RUNDC3A: variants seen among roughly 807,000 people sequenced by gnomAD.
The protein encoded by RUNDC3A is RUN domain-containing protein 3A.
A neutral mutation model predicts 53.9 loss-of-function variants in RUNDC3A; 28 were observed. The ratio of observed to expected loss-of-function variants is 0.52; its 90% CI spans 0.38 to 0.71. RUNDC3A has a LOEUF of 0.71. Ranked by LOEUF, RUNDC3A falls within the 30% of genes least tolerant of loss-of-function variation. The probability of loss-of-function intolerance (pLI) is 0.00; values close to 1 mark genes in which losing one functional copy is unlikely to be tolerated. For missense variants in RUNDC3A, 491 were observed against 597.3 expected (o/e 0.82, Z 1.85); for synonymous variants, 232 against 249.4 (o/e 0.93, Z 0.66).
rs1345592411 is a variant in RUNDC3A at position 44,313,021 on chromosome 17, T to A, written c.224-83T>A. The A allele has an allele frequency of 1.2e-5, 18 of 1,467,330 alleles. No individual in the cohort carries two copies. The East Asian group carries it at 4.1e-4, about 34-fold the overall frequency. 90.9% of individuals were successfully genotyped at this position (1,467,330 alleles called of 1,614,324 possible). On this transcript the variant is annotated intron_variant, in intron 2 of 10. Transcript: ENST00000426726. ...GATCTTTGTGGGAGGAGGCTGCTTATGCTTATGCATGTGAGTGCCTCACTA... is the reference window on the plus strand; with the variant it reads ...GATCTTTGTGGGAGGAGGCTGCTTAAGCTTATGCATGTGAGTGCCTCACTA...
chr17:44,315,006 AG>A lies in RUNDC3A; in HGVS notation c.627del (p.Ser210AlafsTer5). 6.2e-7 allele frequency: 1 copy of A among 1,613,836 alleles called. No individual in the cohort carries two copies. Among genetic ancestry groups the A allele is most frequent in the Non-Finnish European group, 8.5e-7 (1 of 1,179,844 alleles). On this transcript the variant is annotated frameshift_variant and splice_region_variant, in exon 6 of 11. Coordinates refer to ENST00000426726, the MANE Select transcript of RUNDC3A (RefSeq NM_001144825.2). LOFTEE classifies it high-confidence loss of function. This position sits in a 1 kb window ranked among gnomAD's most constrained non-coding sequence, Gnocchi z 6.1. ...TACACGCCCTACCTAAAGTTCACGC[AG>A]AGGTGAGCGGCTCCATGACTGCGGC... is the stretch of plus-strand genomic sequence containing the variant. ...IDYTPYLKFTQSYDYLTDEEE... is the reference protein window; with the variant it reads ...IDYTPYLKFTXSYDYLTDEEE...
Position 44,315,320 on chromosome 17 carries a change from G to A in RUNDC3A, c.795G>A (p.Lys265=). The change falls in exon 7 of 11, where the codon AAG becomes AAA. Residue 265 remains lysine (K), a splice_region_variant and synonymous_variant. Coordinates refer to ENST00000426726, the MANE Select transcript of RUNDC3A (RefSeq NM_001144825.2). The surrounding 1 kb of genome is among the most constrained non-coding windows in gnomAD (Gnocchi z 6.1). ...AGTTCCGCATCGTCTACGCGCAGAA[G>A]GTGCGCGACGCCGGCGGGCCCGGGG... ...EQKFRIVYAQ[K]GYLEELVRLR... 2 of 1,419,284 alleles carry A rather than the reference G, an allele frequency of 1.4e-6. No homozygotes were observed. Among genetic ancestry groups the A allele is most frequent in the Non-Finnish European group, 9.3e-7 (1 of 1,077,518 alleles). 87.9% of individuals were successfully genotyped at this position (1,419,284 alleles called of 1,614,324 possible). A position where few individuals can be genotyped will look rare whatever the true frequency, so the allele number is the denominator to read the frequency against.
At chr17:44,317,199 TG>T (rs1166029163) in intron 10 of RUNDC3A, 3 of 551,864 alleles carry the variant, frequency 5.4e-6, no homozygotes, top group Non-Finnish European at 9.8e-6. Flanking sequence ...TACTTTGAGG[TG>T]GCAGAACACA....
chr17:44,314,697 G>T, intron 4 of RUNDC3A, 38 bp from the exon 5 acceptor site: 1 of 1,545,054 alleles, frequency 6.5e-7, no homozygotes. Flanking sequence ...GGCGCTCCAG[G>T]GGCCTGCTGC....
Position 44,315,666 on chromosome 17 carries a change from G to A in RUNDC3A, c.953+57G>A, listed in dbSNP as rs2047848438. On this transcript the variant is annotated intron_variant, in intron 8 of 10. Transcript: ENST00000426726. This position sits in a 1 kb window ranked among gnomAD's most constrained non-coding sequence, Gnocchi z 6.1. Reference sequence around the variant, plus strand: ...CCCGCCGCCCCGACCACATCACCGGGTGAACCCCATCTTCACTTCCATCGA... The same window carrying A: ...CCCGCCGCCCCGACCACATCACCGGATGAACCCCATCTTCACTTCCATCGA... 2.3e-6 allele frequency: 3 copies of A among 1,330,104 alleles called. No individual in the cohort carries two copies. The highest frequency in any genetic ancestry group is 1.5e-5 in the African/African-American group (1 of 64,832). The allele number at this position is 1,330,104 out of a possible 1,614,324, so 82.4% of individuals were successfully genotyped here.
rs377485717 is a variant in RUNDC3A at position 44,316,467 on chromosome 17, T to C, written c.1036T>C (p.Ser346Pro). 6.2e-6 allele frequency: 10 copies of C among 1,613,458 alleles called. No individual in the cohort carries two copies. In the African/African-American group the frequency reaches 1.3e-4, roughly 22 times the overall value. The change falls in exon 9 of 11, where the codon TCA becomes CCA. Residue 346 changes from serine (S) to proline (P), a missense_variant. By Grantham distance (74) the Ser-to-Pro change is moderately conservative. Around this residue, in one of 2 missense-constraint regions of RUNDC3A, gnomAD observed 218 missense variants for 208.2 expected, o/e 1.05. Transcript: ENST00000426726. Reference sequence around the variant, plus strand: ...TACACCCCTGGTCAATCAATGGCCCTCACTGGGAACGCTTAATGGGGCCGA... The same window carrying C: ...TACACCCCTGGTCAATCAATGGCCCCCACTGGGAACGCTTAATGGGGCCGA... ...LTTPLVNQWP[S>P]LGTLNGAEGA...
At chr17:44,313,818 A>T in intron 4 of RUNDC3A, 1 of 777,588 alleles carries the variant, frequency 1.3e-6, no homozygotes, top group African/African-American at 1.9e-5. Flanking sequence ...AGTAGCTGGG[A>T]TTACAGGCAT....
intron 10 of RUNDC3A, chr17:44,317,369 A>C: frequency 1.3e-6 from 1 of 746,412 alleles, no homozygotes; most frequent in Non-Finnish European, 2.5e-6. Flanking sequence ...TAGTGTCATG[A>C]CATCCTCGGG....
chr17:44,314,573 C>T (rs563696158), intron 4 of RUNDC3A, 162 bp from the exon 5 acceptor site: 1 of 1,443,368 alleles, frequency 6.9e-7, no homozygotes, highest in East Asian at 2.5e-5. Flanking sequence ...GTGCGAGCCC[C>T]AGGCTGAAGG....
At chr17:44,312,242 C>T (rs1451150791) in intron 1 of RUNDC3A, among the ~76,000 whole-genome samples, 2 of 152,172 alleles carry the variant, frequency 1.3e-5, no homozygotes, top group South Asian at 4.1e-4. Flanking sequence ...GGCTCCTGGA[C>T]CGCCCCCGGC....
chr17:44,314,041 A>G, intron 4 of RUNDC3A: 4 of 992,252 alleles, frequency 4.0e-6, no homozygotes, highest in Non-Finnish European at 3.6e-6. Flanking sequence ...TTTGCCATCA[A>G]TGCCCAGCAC....
chr17:44,315,162 T>C lies in RUNDC3A; in HGVS notation c.637T>C (p.Tyr213His). The change falls in exon 7 of 11, where the codon TAC becomes CAC. Residue 213 changes from tyrosine (Y) to histidine (H), a missense_variant. Physicochemically the swap from Tyr to His is moderately conservative, Grantham distance 83. Coordinates refer to ENST00000426726, the MANE Select transcript of RUNDC3A (RefSeq NM_001144825.2). The surrounding 1 kb of genome is among the most constrained non-coding windows in gnomAD (Gnocchi z 6.1). ...ACTGCTCCCTCTCCCAAGCTACGAC[T>C]ACCTGACGGACGAGGAGGAGCGGCA... ...PYLKFTQSYD[Y>H]LTDEEERHSA... 1 of 1,573,458 alleles carries C rather than the reference T, an allele frequency of 6.4e-7. No homozygotes were observed. Among genetic ancestry groups the C allele is most frequent in the Non-Finnish European group, 8.6e-7 (1 of 1,159,222 alleles).
chr17:44,317,558 C>G, intron 10 of RUNDC3A: 1 of 780,792 alleles, frequency 1.3e-6, no homozygotes, highest in Non-Finnish European at 2.4e-6. Context: ...TTGTGTTGAC[C>G]TCATCCCTGG....
intron 4 of RUNDC3A, 48 bp from the exon 5 acceptor site, chr17:44,314,687 G>GC: frequency 2.6e-6 from 3 of 1,135,010 alleles, no homozygotes; most frequent in Non-Finnish European, 3.7e-6. Flanking sequence ...GGGGGGGGGG[G>GC]GCGCTCCAGG....
In RUNDC3A at chr17:44,308,935, T is replaced by G; in HGVS notation, c.103T>G (p.Cys35Gly). The change falls in exon 1 of 11, where the codon TGC becomes GGC. Residue 35 changes from cysteine to glycine, a missense_variant. By Grantham distance (159) the Cys-to-Gly change is radical (BLOSUM62 -3). This residue lies in a region of RUNDC3A where 273 missense variants were observed against 389.0 expected (regional missense o/e 0.70). Coordinates refer to ENST00000426726, the MANE Select transcript of RUNDC3A (RefSeq NM_001144825.2). ...GGAGCGTAAGAACCTGATCACCGTG[T>G]GCAGGTGGGCACCGCTAGTGGGCGG... ...AVERKNLITV[C>G]RFSVKTLLEK... The G allele has an allele frequency of 6.3e-7, 1 of 1,586,670 alleles. No individual in the cohort carries two copies. The highest frequency in any genetic ancestry group is 8.6e-7 in the Non-Finnish European group (1 of 1,165,064).
intron 10 of RUNDC3A, chr17:44,317,345 G>A (rs2047887705): frequency 1.4e-6 from 1 of 713,050 alleles, no homozygotes; most frequent in South Asian, 1.5e-5. Flanking sequence ...CATGGTGAGG[G>A]CTCAGTGGTT....
At chr17:44,308,981 A>G in intron 1 of RUNDC3A, 42 bp downstream of exon 1, 3 of 964,992 alleles carry the variant, frequency 3.1e-6, no homozygotes, top group South Asian at 1.4e-5. Context: ...GGTGAGGGAG[A>G]GGGGTTGGGG....
Position 44,315,461 on chromosome 17 carries a change from G to A in RUNDC3A, c.805G>A (p.Glu269Lys). The A allele has an allele frequency of 1.3e-6, 2 of 1,489,476 alleles. No individual in the cohort carries two copies. Among genetic ancestry groups the A allele is most frequent in the Non-Finnish European group, 1.8e-6 (2 of 1,120,630 alleles). The allele number at this position is 1,489,476 out of a possible 1,614,324, so 92.3% of individuals were successfully genotyped here. The change falls in exon 8 of 11, where the codon GAG (glutamate) becomes AAG (lysine). Residue 269 changes from glutamate (E) to lysine (K), a missense_variant. By Grantham distance (56) the Glu-to-Lys change is moderately conservative (BLOSUM62 1). Coordinates refer to ENST00000426726, the MANE Select transcript of RUNDC3A (RefSeq NM_001144825.2). This position sits in a 1 kb window ranked among gnomAD's most constrained non-coding sequence, Gnocchi z 6.1. ...RIVYAQKGYLEELVRLRESQL... is the reference protein window; with the variant it reads ...RIVYAQKGYLKELVRLRESQL... ...AGCCGGCGCCCCGCAGGGCTACCTGGAGGAGCTGGTGCGTCTGCGCGAGTC... is the reference window on the plus strand; with the variant it reads ...AGCCGGCGCCCCGCAGGGCTACCTGAAGGAGCTGGTGCGTCTGCGCGAGTC...
intron 1 of RUNDC3A, chr17:44,311,135 C>A: frequency 1.0e-6 from 1 of 985,576 alleles, no homozygotes; most frequent in South Asian, 4.7e-5. Flanking sequence ...CTAGTGCAAC[C>A]CCAAGACTGA....
Sources: gnomAD v4.1 joint callset for allele counts (sites outside exome capture counted in the v4.1 genomes callset) on GRCh38, gnomAD v4.1.1 for gene constraint, gnomAD v4.1.1 regional missense constraint, Gnocchi (gnomAD v3.1) non-coding constraint, MANE v1.5 for transcripts, NCBI Gene and HGNC (gene_info 2026-07-23, HGNC 2026-07-21) for gene names.